Variants in ADAMTS18 observed in about 807,000 individuals in gnomAD.
The protein encoded by ADAMTS18 is ADAM metallopeptidase with thrombospondin type 1 motif 18.
A neutral mutation model predicts 165.9 loss-of-function variants in ADAMTS18; 157 were observed. That is an observed-to-expected ratio of 0.95 (90% CI 0.83 to 1.08). The LOEUF (loss-of-function observed/expected upper bound fraction) is 1.08, where lower values mean the gene tolerates loss of function less well. ADAMTS18 is among the 50% of genes least tolerant of loss of function. The pLI is 0.00. For missense variants in ADAMTS18, 2,040 were observed against 1,534.0 expected (o/e 1.33, Z -5.51); for synonymous variants, 782 against 578.2 (o/e 1.35, Z -5.06).
intron 16 of ADAMTS18, among the ~76,000 whole-genome samples, chr16:77,304,768 T>G (rs1471322811): frequency 4.6e-5 from 7 of 152,258 alleles, no homozygotes; most frequent in Non-Finnish European, 1.0e-4. Flanking sequence ...CAGCTTTAAA[T>G]TAACTCATAA....
intron 21 of ADAMTS18, chr16:77,290,998 C>T (rs2055351584): frequency 9.7e-6 from 4 of 413,308 alleles, no homozygotes; most frequent in South Asian, 5.0e-5. Flanking sequence ...GTATAACTGG[C>T]CTGGTGGTAA....
chr16:77,385,450 G>A (rs1315633072), intron 3 of ADAMTS18, among the ~76,000 whole-genome samples: 1 of 152,138 alleles, frequency 6.6e-6, no homozygotes, highest in African/African-American at 2.4e-5. Flanking sequence ...GCAAGACAGG[G>A]ATTCCAATTT....
chr16:77,331,294 C>T (rs986112496), intron 12 of ADAMTS18, among the ~76,000 whole-genome samples: 4 of 152,098 alleles, frequency 2.6e-5, no homozygotes, highest in Non-Finnish European at 5.9e-5. Context: ...TAATCTATGT[C>T]TTTCTTGGGA....
In ADAMTS18 at chr16:77,348,576, T is replaced by C. The variant is rs138062505; in HGVS notation, c.1614+5157A>G. On this transcript the variant is annotated intron_variant, in intron 10 of 22. Transcript: ENST00000282849. ...TCACTCCTGCTGCTTTGAGGAGGGA[T>C]GAGAGAAGAGGCAGAGGGGACATCT... Among the ~76,000 whole-genome samples the C allele has an allele frequency of 5.3e-3, 812 of 152,260 alleles. 12 individuals carry two copies. The highest frequency in any genetic ancestry group is 0.019 in the African/African-American group (777 of 41,542).
At chr16:77,432,195 G>T (rs1310740308) in intron 2 of ADAMTS18, among the ~76,000 whole-genome samples, 1 of 152,160 alleles carries the variant, frequency 6.6e-6, no homozygotes, top group Non-Finnish European at 1.5e-5. Context: ...ATTTATGTGT[G>T]ATAAGAAAAC....
At position 77,311,699 on chromosome 16, in the gene ADAMTS18, A is replaced by AG. The variant is rs1272186779; in HGVS notation, c.2532+8149dup. Among the ~76,000 whole-genome samples the AG allele has an allele frequency of 3.9e-3, 166 of 42,642 alleles. 1 individual carries two copies. The highest frequency in any genetic ancestry group is 0.012 in the African/African-American group (137 of 11,104). 28.0% of individuals were successfully genotyped at this position (42,642 alleles called of 152,430 possible). On this transcript the variant is annotated intron_variant, in intron 16 of 22. Coordinates refer to ENST00000282849, the MANE Select transcript of ADAMTS18 (RefSeq NM_199355.4). ...CATAGACAAAATACTAGATTACTGG[A>AG]GTTTTCTTTTTTTTTTGCTTTGAAT...
intron 9 of ADAMTS18, 101 bp downstream of exon 9, chr16:77,355,839 G>T: frequency 1.4e-6 from 2 of 1,395,382 alleles, no homozygotes; most frequent in Non-Finnish European, 2.0e-6. Context: ...TTATTGACAG[G>T]TCAAAAGGTA....
At chr16:77,365,890 T>G (rs1172008650) in intron 4 of ADAMTS18, among the ~76,000 whole-genome samples, 1 of 152,252 alleles carries the variant, frequency 6.6e-6, no homozygotes, top group African/African-American at 2.4e-5. Flanking sequence ...TCAGTTTCCT[T>G]ATCTATGAAA....
intron 17 of ADAMTS18, among the ~76,000 whole-genome samples, chr16:77,299,851 C>T (rs189634299): frequency 6.6e-6 from 1 of 152,240 alleles, no homozygotes. Context: ...GCCATGTATG[C>T]GTCCTCACTT....
Position 77,371,395 on chromosome 16 carries a change from T to C in ADAMTS18, c.496-3672A>G, listed in dbSNP as rs145905867. Among the ~76,000 whole-genome samples, 3 of 152,112 alleles carry C rather than the reference T, an allele frequency of 2.0e-5. No homozygotes were observed. In the East Asian group the frequency reaches 5.8e-4, roughly 29 times the overall value. ...TCAACTTTGAAATATACTAGAAAGCTACAGTAACCAAAAAAACATGGCATA... is the reference window on the plus strand; with the variant it reads ...TCAACTTTGAAATATACTAGAAAGCCACAGTAACCAAAAAAACATGGCATA... On this transcript the variant is annotated intron_variant, in intron 3 of 22. Coordinates refer to ENST00000282849, the MANE Select transcript of ADAMTS18 (RefSeq NM_199355.4).
At chr16:77,412,565 C>A (rs551737434) in intron 3 of ADAMTS18, among the ~76,000 whole-genome samples, 1 of 152,218 alleles carries the variant, frequency 6.6e-6, no homozygotes, top group Non-Finnish European at 1.5e-5. Context: ...ACATACCCAA[C>A]ACAGGGCAAT....
At chr16:77,338,309 C>T (rs938537674) in intron 11 of ADAMTS18, among the ~76,000 whole-genome samples, 1 of 152,240 alleles carries the variant, frequency 6.6e-6, no homozygotes, top group Non-Finnish European at 1.5e-5. Context: ...GATCTTGGCA[C>T]ACTGTAGCCT....
chr16:77,412,699 G>C (rs1041883173), intron 3 of ADAMTS18, among the ~76,000 whole-genome samples: 1 of 152,148 alleles, frequency 6.6e-6, no homozygotes, highest in Admixed American at 6.5e-5. Context: ...AGAACCAATG[G>C]AAAGGGAAAA....
chr16:77,333,413 T>A (rs1412867515), intron 12 of ADAMTS18, among the ~76,000 whole-genome samples: 2 of 151,278 alleles, frequency 1.3e-5, no homozygotes, highest in African/African-American at 4.9e-5. Flanking sequence ...CATGGCGCTA[T>A]ATACCTATAT....
chr16:77,293,725 C>A (rs1166963202), intron 19 of ADAMTS18, among the ~76,000 whole-genome samples: 1 of 149,940 alleles, frequency 6.7e-6, no homozygotes, highest in East Asian at 2.0e-4. Context: ...TGTTCCACCT[C>A]AGATCATCAC....
chr16:77,333,747 G>C (rs2056228859), intron 12 of ADAMTS18, among the ~76,000 whole-genome samples: 1 of 149,932 alleles, frequency 6.7e-6, no homozygotes, highest in African/African-American at 2.4e-5. Flanking sequence ...ATCCATAATT[G>C]AACAGTGTGC....
In ADAMTS18 at chr16:77,282,937, C is replaced by T. The variant is rs1137647; in HGVS notation, c.*1019G>A. 1.7e-5 allele frequency: 2 copies of T among 115,502 alleles called. No homozygotes were observed. The highest frequency in any genetic ancestry group is 1.7e-5 in the Non-Finnish European group (1 of 58,922). 7.2% of individuals were successfully genotyped at this position (115,502 alleles called of 1,614,324 possible). On this transcript the variant is annotated 3_prime_UTR_variant, in exon 23 of 23. Transcript: ENST00000282849. ...TTTTTTTTTTTTTTTGCTGTTAGCT[C>T]AATCCTAGGGCAAATTTAAACGTAT...
intron 16 of ADAMTS18, among the ~76,000 whole-genome samples, chr16:77,315,579 T>C (rs2650900): frequency 0.49 from 75,099 of 151,914 alleles, 19,289 homozygotes; most frequent in African/African-American, 0.53. Flanking sequence ...AATTCCATGA[T>C]ATCTGTGAAG....
chr16:77,282,142 A>G lies in ADAMTS18; in HGVS notation c.*1814T>C, dbSNP rs1370281142. On this transcript the variant is annotated 3_prime_UTR_variant, in exon 23 of 23. Coordinates refer to ENST00000282849, the MANE Select transcript of ADAMTS18 (RefSeq NM_199355.4). Reference sequence around the variant, plus strand: ...TTAACAAGCTGTCAAAGATAAAGAAATGGAATACTTTATTATAAAACTTAT... The same window carrying G: ...TTAACAAGCTGTCAAAGATAAAGAAGTGGAATACTTTATTATAAAACTTAT... The G allele has an allele frequency of 6.6e-6, 1 of 152,234 alleles. No individual in the cohort carries two copies. Among genetic ancestry groups the G allele is most frequent in the East Asian group, 1.9e-4 (1 of 5,204 alleles). The allele number at this position is 152,234 out of a possible 1,614,324, so 9.4% of individuals were successfully genotyped here. A position where few individuals can be genotyped will look rare whatever the true frequency, so the allele number is the denominator to read the frequency against.
Sources: gnomAD v4.1 joint callset for allele counts (sites outside exome capture counted in the v4.1 genomes callset) on GRCh38, gnomAD v4.1.1 for gene constraint, MANE v1.5 for transcripts, NCBI Gene and HGNC (gene_info 2026-07-23, HGNC 2026-07-21) for gene names.